The following ARHGEF18 variants were observed in gnomAD, a reference collection of about 807,000 sequenced individuals.
ARHGEF18 encodes the protein rho guanine nucleotide exchange factor 18.
A neutral mutation model predicts 155.7 loss-of-function variants in ARHGEF18; 93 were observed. That is an observed-to-expected ratio of 0.60 (90% CI 0.50 to 0.71). ARHGEF18 has a LOEUF of 0.71. ARHGEF18 is among the 30% of genes least tolerant of loss of function. The probability of loss-of-function intolerance (pLI) is 0.00; values close to 1 mark genes in which losing one functional copy is unlikely to be tolerated. For missense variants in ARHGEF18, 1,593 were observed against 1,816.1 expected (o/e 0.88, Z 2.23); for synonymous variants, 742 against 753.1 (o/e 0.99, Z 0.24).
chr19:7,381,074 C>T lies in ARHGEF18; in HGVS notation c.722+80C>T, dbSNP rs962552169. 1.3e-5 allele frequency: 15 copies of T among 1,117,966 alleles called. No individual in the cohort carries two copies. In the African/African-American group the frequency reaches 2.4e-4, roughly 18 times the overall value. The allele number at this position is 1,117,966 out of a possible 1,614,324, so 69.3% of individuals were successfully genotyped here. A position where few individuals can be genotyped will look rare whatever the true frequency, so the allele number is the denominator to read the frequency against. On this transcript the variant is annotated intron_variant, in intron 8 of 28. Transcript: ENST00000668164. ...TACAGATGGTCCTTTGGGCCAGACC[C>T]CCCATGCTGGGGGCAGGAGCTGGAG...
intron 10 of ARHGEF18, among the ~76,000 whole-genome samples, chr19:7,422,680 A>G (rs962058642): frequency 2.7e-5 from 4 of 148,530 alleles, no homozygotes; most frequent in Non-Finnish European, 5.9e-5. Flanking sequence ...CAAACACCGC[A>G]TCATCAGTCC....
chr19:7,458,486 C>T (rs1325600393), intron 18 of ARHGEF18, 26 bp from the exon 19 acceptor site: 1 of 1,602,388 alleles, frequency 6.2e-7, no homozygotes, highest in African/African-American at 1.3e-5. Context: ...AAAGGGTGAC[C>T]TCCCCAATGC....
At chr19:7,403,490 G>A (rs1344309851) in intron 10 of ARHGEF18, among the ~76,000 whole-genome samples, 5 of 151,560 alleles carry the variant, frequency 3.3e-5, no homozygotes, top group Non-Finnish European at 5.9e-5. Context: ...TTAGCATAAC[G>A]ATTGCAAGGT....
chr19:7,477,472 C>A, downstream of ARHGEF18: 1 of 1,379,762 alleles, frequency 7.2e-7, no homozygotes, highest in South Asian at 1.6e-5. Context: ...CACTCACGCT[C>A]ACACCTGCCT....
chr19:7,373,107 A>C (rs1456537608), intron 3 of ARHGEF18, 36 bp downstream of exon 3: 1 of 1,233,900 alleles, frequency 8.1e-7, no homozygotes, highest in East Asian at 3.2e-5. Context: ...CCCACAATGC[A>C]CCCCTGGGAC....
rs1976988941 is a variant in ARHGEF18, at chr19:7,470,933, G to A, written c.*635G>A. The A allele has an allele frequency of 5.0e-6, 2 of 400,878 alleles. No individual in the cohort carries two copies. Among genetic ancestry groups the A allele is most frequent in the East Asian group, 7.1e-5 (2 of 28,054 alleles). The allele number at this position is 400,878 out of a possible 1,614,324, so 24.8% of individuals were successfully genotyped here. A position where few individuals can be genotyped will look rare whatever the true frequency, so the allele number is the denominator to read the frequency against. Reference sequence around the variant, plus strand: ...GGCCACGGGGCAGGGCCCACTGAGGGAACATCAGTGGCCCTCCAGTCAGGT... The same window carrying A: ...GGCCACGGGGCAGGGCCCACTGAGGAAACATCAGTGGCCCTCCAGTCAGGT... On this transcript the variant is annotated 3_prime_UTR_variant, in exon 29 of 29. Coordinates refer to ENST00000668164, the MANE Select transcript of ARHGEF18 (RefSeq NM_001367823.1). This position sits in a 1 kb window ranked among gnomAD's most constrained non-coding sequence, Gnocchi z 5.9.
At chr19:7,457,974 A>C (rs1485359245) in intron 18 of ARHGEF18, among the ~76,000 whole-genome samples, 1 of 152,074 alleles carries the variant, frequency 6.6e-6, no homozygotes, top group Non-Finnish European at 1.5e-5. Flanking sequence ...AAAATTTTTA[A>C]GCTGATGAAA....
At position 7,419,936 on chromosome 19, in the gene ARHGEF18, A is replaced by G. The variant is rs78665310; in HGVS notation, c.968-20408A>G. 2.6e-3 allele frequency among the ~76,000 whole-genome samples: 397 copies of G among 151,384 alleles called. 12 individuals carry two copies. In the East Asian group the frequency reaches 0.068, roughly 26 times the overall value. On this transcript the variant is annotated intron_variant, in intron 10 of 28. Coordinates refer to ENST00000668164, the MANE Select transcript of ARHGEF18 (RefSeq NM_001367823.1). ...AGATACACCCACACTCGGCCTCTGT[A>G]CCCCAGGTGTACTCACACTCGGCCC... is the stretch of plus-strand genomic sequence containing the variant.
At chr19:7,477,218 TCGGCCTGGCCGC>T, downstream of ARHGEF18, 1 of 1,516,128 alleles carries the variant, frequency 6.6e-7, no homozygotes, top group South Asian at 1.3e-5. Flanking sequence ...GGTAGTGGCC[TCGGCCTGGCCGC>T]CGGCCCGGGC....
intron 2 of ARHGEF18, among the ~76,000 whole-genome samples, chr19:7,368,391 GCT>G (rs1970040126): frequency 6.6e-6 from 1 of 152,060 alleles, no homozygotes; most frequent in Non-Finnish European, 1.5e-5. Context: ...AGCGTACGAT[GCT>G]TACTCAGATA....
intron 17 of ARHGEF18, 29 bp downstream of exon 17, chr19:7,453,744 T>C: frequency 6.6e-7 from 1 of 1,516,506 alleles, no homozygotes. Context: ...CCACCTCTAG[T>C]GGGTGCCATC....
intron 10 of ARHGEF18, among the ~76,000 whole-genome samples, chr19:7,385,945 CCT>C (rs1380908653): frequency 1.5e-5 from 1 of 66,892 alleles, no homozygotes; most frequent in Non-Finnish European, 2.8e-5. Flanking sequence ...TCCCCCTCTC[CCT>C]CTCTCTCTCT....
chr19:7,446,276 G>T (rs1974982988), intron 14 of ARHGEF18, among the ~76,000 whole-genome samples: 1 of 151,980 alleles, frequency 6.6e-6, no homozygotes, highest in Non-Finnish European at 1.5e-5. Flanking sequence ...GGAGGCTGTG[G>T]CAGGAGAATC....
chr19:7,420,038 C>A (rs1225525394), intron 10 of ARHGEF18, among the ~76,000 whole-genome samples: 1 of 150,518 alleles, frequency 6.6e-6, no homozygotes, highest in Non-Finnish European at 1.5e-5. Flanking sequence ...CCACACTCAG[C>A]CCCCACACTC....
intron 14 of ARHGEF18, 124 bp from the exon 15 acceptor site, chr19:7,446,915 GAAGA>G (rs1478195914): frequency 1.1e-5 from 10 of 950,036 alleles, no homozygotes; most frequent in Non-Finnish European, 1.3e-5. Flanking sequence ...AAAAAAAGAA[GAAGA>G]AAGAAAGAAA....
chr19:7,472,354 T>A lies in ARHGEF18; in HGVS notation c.*2056T>A, dbSNP rs989906290. 2.0e-5 allele frequency: 3 copies of A among 153,232 alleles called. No individual in the cohort carries two copies. Among genetic ancestry groups the A allele is most frequent in the African/African-American group, 7.2e-5 (3 of 41,476 alleles). The allele number at this position is 153,232 out of a possible 1,614,324, so 9.5% of individuals were successfully genotyped here. ...GATCTGCACACGTCTTTGTCAGTTG[T>A]GGTCATGATCTTAGTCACCTGCTAA... On this transcript the variant is annotated 3_prime_UTR_variant, in exon 29 of 29. Coordinates refer to ENST00000668164, the MANE Select transcript of ARHGEF18 (RefSeq NM_001367823.1).
At chr19:7,371,587 G>A (rs8110699) in intron 2 of ARHGEF18, among the ~76,000 whole-genome samples, 30,004 of 152,032 alleles carry the variant, frequency 0.2, 6,756 homozygotes, top group African/African-American at 0.54. Context: ...TTGGGAGGCC[G>A]AGGCAGTTGA....
At chr19:7,365,216 T>C (rs1969831864) in intron 2 of ARHGEF18, among the ~76,000 whole-genome samples, 1 of 152,120 alleles carries the variant, frequency 6.6e-6, no homozygotes, top group Non-Finnish European at 1.5e-5. Context: ...CTGGGCAACA[T>C]GCCCAGCACA....
At chr19:7,424,762 G>A (rs568414198) in intron 10 of ARHGEF18, among the ~76,000 whole-genome samples, 15 of 152,268 alleles carry the variant, frequency 9.9e-5, no homozygotes, top group South Asian at 2.1e-4. Context: ...TTGGGAGGCC[G>A]AGGCGGGCGG....
Sources: gnomAD v4.1 joint callset for allele counts (sites outside exome capture counted in the v4.1 genomes callset) on GRCh38, gnomAD v4.1.1 for gene constraint, Gnocchi (gnomAD v3.1) non-coding constraint, MANE v1.5 for transcripts, NCBI Gene and HGNC (gene_info 2026-07-23, HGNC 2026-07-21) for gene names.